Variants in MYO1H observed in about 807,000 individuals in gnomAD.
The protein encoded by MYO1H is myosin IH.
MYO1H carries 118 observed loss-of-function variants against 149.3 expected under a neutral mutation model. The observed-to-expected ratio is 0.79, with a 90% confidence interval of 0.68 to 0.92. MYO1H has a LOEUF of 0.92. Ranked by LOEUF, MYO1H falls within the 40% of genes least tolerant of loss-of-function variation. MYO1H has a pLI of 0.00. For missense variants in MYO1H, 1,212 were observed against 1,280.7 expected (o/e 0.95, Z 0.82); for synonymous variants, 447 against 465.2 (o/e 0.96, Z 0.50).
chr12:109,406,451 G>C (rs1870388616), intron 8 of MYO1H, among the ~76,000 whole-genome samples: 1 of 113,796 alleles, frequency 8.8e-6, no homozygotes, highest in African/African-American at 3.2e-5. Context: ...GGGCAACATA[G>C]TGAGACCCTA....
At chr12:109,325,072 G>A in the MYO1H span, among the ~76,000 whole-genome samples, 1 of 152,068 alleles carries the variant, frequency 6.6e-6, no homozygotes, top group Non-Finnish European at 1.5e-5. Flanking sequence ...ATGGCTGCAT[G>A]GTATTCCATG....
At chr12:109,417,885 G>T (rs967903498) in intron 15 of MYO1H, among the ~76,000 whole-genome samples, 2 of 151,272 alleles carry the variant, frequency 1.3e-5, no homozygotes, top group Admixed American at 1.3e-4. Flanking sequence ...GCGCGATCTC[G>T]GCTCACTGCA....
the MYO1H span, among the ~76,000 whole-genome samples, chr12:109,338,830 C>G: frequency 6.6e-6 from 1 of 151,612 alleles, no homozygotes; most frequent in Non-Finnish European, 1.5e-5. Context: ...TGCTTCACAC[C>G]CATCTTGTTA....
At chr12:109,361,976 G>T (rs7974655) in intron 1 of MYO1H, among the ~76,000 whole-genome samples, 1 of 152,164 alleles carries the variant, frequency 6.6e-6, no homozygotes, top group Non-Finnish European at 1.5e-5. Context: ...GAAAAGATGA[G>T]ATTTGGACAG....
chr12:109,432,949 G>C (rs1458318423), exon 20 of MYO1H: 1 of 1,614,062 alleles, frequency 6.2e-7, no homozygotes, highest in East Asian at 2.2e-5. Flanking sequence ...GCCTCCAGCA[G>C]AGGGCGTGGA....
chr12:109,341,663 C>T, the MYO1H span, among the ~76,000 whole-genome samples: 2 of 152,204 alleles, frequency 1.3e-5, no homozygotes, highest in Admixed American at 6.5e-5. Context: ...AGAGCATCCT[C>T]TGTGATGGGT....
chr12:109,374,029 T>C (rs1869042140), intron 1 of MYO1H, among the ~76,000 whole-genome samples: 1 of 152,218 alleles, frequency 6.6e-6, no homozygotes, highest in Non-Finnish European at 1.5e-5. Flanking sequence ...TTTGGGGCCC[T>C]TGTTATAATA....
intron 27 of MYO1H, among the ~76,000 whole-genome samples, 169 bp from the exon 28 acceptor site, chr12:109,443,345 T>C (rs570473901): frequency 8.3e-6 from 1 of 119,862 alleles, no homozygotes; most frequent in South Asian, 2.6e-4. Context: ...TACGTATATA[T>C]GTGTGTATAT....
At chr12:109,417,093 C>T (rs1249065891) in intron 15 of MYO1H, among the ~76,000 whole-genome samples, 1 of 151,900 alleles carries the variant, frequency 6.6e-6, no homozygotes, top group Non-Finnish European at 1.5e-5. Context: ...ATTGCTTGAA[C>T]CGGGGAGGCA....
intron 5 of MYO1H, 43 bp from the exon 6 acceptor site, chr12:109,401,050 G>A: frequency 6.3e-7 from 1 of 1,582,216 alleles, no homozygotes; most frequent in Non-Finnish European, 8.7e-7. Flanking sequence ...GAAGAGAGTG[G>A]TTTGATTGTT....
At position 109,433,694 on chromosome 12, in the gene MYO1H, G is replaced by A. The variant is rs563636245; in HGVS notation, c.2063+684G>A. Among the ~76,000 whole-genome samples, 108 of 152,298 alleles carry A rather than the reference G, an allele frequency of 7.1e-4. 1 individual carries two copies. The South Asian group carries it at 0.012, about 16-fold the overall frequency. Reference sequence around the variant, plus strand: ...CCACTTGTACATGGTCGTCTGGGCCGCCTTGGCCTCTCTCCATCTGTAGAC... The same window carrying A: ...CCACTTGTACATGGTCGTCTGGGCCACCTTGGCCTCTCTCCATCTGTAGAC... On this transcript the variant is annotated intron_variant, in intron 20 of 31. Transcript: ENST00000310903.
intron 19 of MYO1H, among the ~76,000 whole-genome samples, chr12:109,430,008 A>C (rs1219131959): frequency 6.6e-6 from 1 of 152,204 alleles, no homozygotes; most frequent in Non-Finnish European, 1.5e-5. Context: ...TAAGGGCACT[A>C]ATCTCATTTA....
chr12:109,394,012 CAAA>C (rs530504694), intron 3 of MYO1H, among the ~76,000 whole-genome samples: 33 of 152,242 alleles, frequency 2.2e-4, no homozygotes, highest in Admixed American at 5.9e-4. Flanking sequence ...TTAAGAGGTG[CAAA>C]TTTCTTCATT....
At chr12:109,329,587 A>G in the MYO1H span, among the ~76,000 whole-genome samples, 1 of 152,150 alleles carries the variant, frequency 6.6e-6, no homozygotes, top group African/African-American at 2.4e-5. Flanking sequence ...AAATGATTCA[A>G]AGAAGGCTTA....
chr12:109,435,899 C>T (rs1871835962), intron 21 of MYO1H, among the ~76,000 whole-genome samples: 1 of 152,322 alleles, frequency 6.6e-6, no homozygotes, highest in East Asian at 1.9e-4. Context: ...GGTTGAAGGG[C>T]CACAGTTAGG....
chr12:109,390,673 T>TTTCTTGTTTG (rs920986534), intron 2 of MYO1H, among the ~76,000 whole-genome samples: 2 of 151,842 alleles, frequency 1.3e-5, no homozygotes, highest in Non-Finnish European at 2.9e-5. Flanking sequence ...TTTGTTTTTT[T>TTTCTTGTTTG]TTTCTTTTTC....
At chr12:109,417,233 C>G (rs1870952674) in intron 15 of MYO1H, among the ~76,000 whole-genome samples, 1 of 152,174 alleles carries the variant, frequency 6.6e-6, no homozygotes, top group Non-Finnish European at 1.5e-5. Context: ...AGGTCATTTT[C>G]CAAAGCAGCT....
chr12:109,415,678 A>C, intron 15 of MYO1H, 58 bp downstream of exon 15: 1 of 1,309,850 alleles, frequency 7.6e-7, no homozygotes, highest in Non-Finnish European at 1.0e-6. Flanking sequence ...GGTGTCTTAC[A>C]ATAAGCTCCG....
At chr12:109,366,139 G>A (rs967877373) in intron 1 of MYO1H, among the ~76,000 whole-genome samples, 59 of 152,132 alleles carry the variant, frequency 3.9e-4, no homozygotes, top group African/African-American at 1.2e-3. Flanking sequence ...TGACAAAAAG[G>A]TTGGGGACCA....
Sources: allele counts gnomAD v4.1 joint callset (sites outside exome capture counted in the v4.1 genomes callset), GRCh38; gene constraint gnomAD v4.1.1; transcripts MANE v1.5; gene names NCBI Gene and HGNC (gene_info 2026-07-23, HGNC 2026-07-21).